The following SV2C variants were observed in gnomAD, a reference collection of about 807,000 sequenced individuals.
SV2C encodes synaptic vesicle glycoprotein 2C.
In SV2C, 49 loss-of-function variants were observed where a neutral mutation model predicts 79.7. The observed-to-expected ratio is 0.61, with a 90% CI of 0.49 to 0.78. The LOEUF (loss-of-function observed/expected upper bound fraction) is 0.78, where lower values mean the gene tolerates loss of function less well. SV2C is among the 30% of genes least tolerant of loss of function. SV2C has a pLI of 0.00. For missense variants in SV2C, 833 were observed against 912.9 expected, an observed-to-expected ratio of 0.91 and a Z score of 1.13; for synonymous variants, 334 against 333.2, an observed-to-expected ratio of 1.00 and a Z score of -0.03.
chr5:76,119,705 GA>G (rs371322403), intron 1 of SV2C, among the ~76,000 whole-genome samples: 77 of 146,774 alleles, frequency 5.2e-4, no homozygotes, highest in African/African-American at 1.8e-3. Flanking sequence ...ACCCTATAGG[GA>G]AAAAAAAACA....
the SV2C span, among the ~76,000 whole-genome samples, chr5:75,890,391 G>A: frequency 2.6e-5 from 4 of 152,098 alleles, no homozygotes; most frequent in African/African-American, 7.2e-5. Context: ...GGCAGAGTGG[G>A]GACAAAGCCT....
At chr5:76,123,078 A>C (rs1016773770) in intron 1 of SV2C, among the ~76,000 whole-genome samples, 1 of 152,228 alleles carries the variant, frequency 6.6e-6, no homozygotes, top group Non-Finnish European at 1.5e-5. Flanking sequence ...ACAAACTACC[A>C]TCAGAGAATA....
intron 5 of SV2C, 129 bp from the exon 6 acceptor site, chr5:76,285,652 A>G (rs1483019784): frequency 1.4e-6 from 1 of 717,826 alleles, no homozygotes; most frequent in East Asian, 2.5e-5. Context: ...GTATGTTCCA[A>G]TGGGATGTAC....
At chr5:76,270,332 C>CA (rs1231330418) in intron 4 of SV2C, among the ~76,000 whole-genome samples, 2 of 152,178 alleles carry the variant, frequency 1.3e-5, no homozygotes, top group South Asian at 4.1e-4. Context: ...GGTTTGTTCA[C>CA]AAAAAAATGC....
At chr5:76,347,589 GCAC>G (rs1170403543) in intron 12 of SV2C, among the ~76,000 whole-genome samples, 2 of 152,050 alleles carry the variant, frequency 1.3e-5, no homozygotes, top group East Asian at 3.9e-4. Flanking sequence ...CTACAGGCAT[GCAC>G]CACAATGCCC....
rs1261684716 is a variant in SV2C at position 76,291,421 on chromosome 5, C to G, written c.1248+90C>G. 3.8e-6 allele frequency: 4 copies of G among 1,058,346 alleles called. No homozygotes were observed. The Admixed American group carries it at 8.2e-5, about 22-fold the overall frequency. The allele number at this position is 1,058,346 out of a possible 1,614,324, so 65.6% of individuals were successfully genotyped here. ...GGGTTTACTGGGCCTGCCCTATGAG[C>G]GAGGTTCTTTCCTGCTGCCCAGGAC... On this transcript the variant is annotated intron_variant, in intron 7 of 12. Coordinates refer to ENST00000502798, the MANE Select transcript of SV2C (RefSeq NM_014979.4).
chr5:76,191,045 G>T (rs188038542), intron 2 of SV2C, among the ~76,000 whole-genome samples: 1,543 of 152,252 alleles, frequency 0.01, 17 homozygotes, highest in Non-Finnish European at 0.012. Flanking sequence ...AAGAAGAGAG[G>T]TTTAATTAGC....
chr5:76,352,404 A>G (rs184783282), intron 12 of SV2C, among the ~76,000 whole-genome samples: 117 of 152,334 alleles, frequency 7.7e-4, no homozygotes, highest in African/African-American at 2.8e-3. Context: ...GACCTTTAAG[A>G]GGTAATTAGG....
At chr5:76,222,653 T>C (rs1418448151) in intron 4 of SV2C, among the ~76,000 whole-genome samples, 2 of 152,240 alleles carry the variant, frequency 1.3e-5, no homozygotes. Context: ...AGATTAACCA[T>C]TGAGGGAAAC....
At chr5:75,874,092 G>A in the SV2C span, among the ~76,000 whole-genome samples, 2 of 152,066 alleles carry the variant, frequency 1.3e-5, no homozygotes, top group South Asian at 2.1e-4. Flanking sequence ...ACCTGGCAGA[G>A]ATACAACAAA....
intron 4 of SV2C, among the ~76,000 whole-genome samples, chr5:76,213,669 A>G (rs1178293253): frequency 3.9e-5 from 6 of 152,214 alleles, no homozygotes; most frequent in South Asian, 2.1e-4. Flanking sequence ...AAGGTTTGAT[A>G]TATGTGTACA....
At chr5:76,146,162 C>T (rs1031304136) in intron 2 of SV2C, among the ~76,000 whole-genome samples, 3 of 152,116 alleles carry the variant, frequency 2.0e-5, no homozygotes, top group Admixed American at 1.3e-4. Flanking sequence ...CCTCTTAAGT[C>T]GACCAGGGAA....
intron 4 of SV2C, among the ~76,000 whole-genome samples, chr5:76,284,372 G>A (rs1170159813): frequency 6.6e-6 from 1 of 152,150 alleles, no homozygotes; most frequent in Non-Finnish European, 1.5e-5. Flanking sequence ...GAGGAGACAT[G>A]CAGCAACCGC....
At chr5:75,987,416 C>G in the SV2C span, among the ~76,000 whole-genome samples, 6 of 151,968 alleles carry the variant, frequency 3.9e-5, no homozygotes, top group African/African-American at 1.4e-4. Context: ...GATTCAGGTA[C>G]AACATCTATC....
the SV2C span, among the ~76,000 whole-genome samples, chr5:76,016,305 T>C: frequency 1.4e-5 from 2 of 142,776 alleles, no homozygotes; most frequent in African/African-American, 5.3e-5. Context: ...TGTGGTTGTA[T>C]CACATGACAT....
intron 12 of SV2C, among the ~76,000 whole-genome samples, chr5:76,340,278 A>C (rs1749416646): frequency 6.6e-6 from 1 of 152,202 alleles, no homozygotes; most frequent in South Asian, 2.1e-4. Flanking sequence ...AAATAACTAT[A>C]CGTATCCTTA....
chr5:76,048,961 AAAAG>A, the SV2C span, among the ~76,000 whole-genome samples: 24 of 120,974 alleles, frequency 2.0e-4, no homozygotes, highest in Non-Finnish European at 3.6e-4. Flanking sequence ...GAGAGAAAGA[AAAAG>A]AGAAAGAAAG....
At chr5:76,172,340 AGG>A (rs1743323224) in intron 2 of SV2C, among the ~76,000 whole-genome samples, 12 of 65,034 alleles carry the variant, frequency 1.8e-4, no homozygotes, top group Admixed American at 3.8e-4. Flanking sequence ...CCGGGAGGTG[AGG>A]GGCGCCTCTG....
chr5:75,897,386 G>A, the SV2C span, among the ~76,000 whole-genome samples: 396 of 151,290 alleles, frequency 2.6e-3, 2 homozygotes, highest in African/African-American at 9.2e-3. Context: ...GTAGATATGC[G>A]GCGTTATTTC....
Sources: gnomAD v4.1 joint callset for allele counts (sites outside exome capture counted in the v4.1 genomes callset) on GRCh38, gnomAD v4.1.1 for gene constraint, MANE v1.5 for transcripts, NCBI Gene and HGNC (gene_info 2026-07-23, HGNC 2026-07-21) for gene names.